SGCZ: variants seen among roughly 807,000 people sequenced by gnomAD.
SGCZ encodes zeta-sarcoglycan.
SGCZ carries 40 observed loss-of-function variants against 41.3 expected under a neutral mutation model. The ratio of observed to expected loss-of-function variants is 0.97; its 90% CI spans 0.75 to 1.26. SGCZ has a LOEUF of 1.26. Among genes scored for constraint, SGCZ ranks in the 50% most tolerant of loss-of-function variants. SGCZ has a pLI of 0.00. For missense variants in SGCZ, 552 were observed against 369.8 expected, an observed-to-expected ratio of 1.49 and a Z score of -4.04; for synonymous variants, 206 against 137.5, an observed-to-expected ratio of 1.50 and a Z score of -3.49.
intron 1 of SGCZ, among the ~76,000 whole-genome samples, chr8:14,827,925 A>G (rs1370956043): frequency 2.0e-5 from 3 of 152,182 alleles, no homozygotes; most frequent in Non-Finnish European, 4.4e-5. Flanking sequence ...TCTTCAAATC[A>G]TTCATGGAAA....
At chr8:15,000,765 C>G (rs1369615945) in intron 1 of SGCZ, among the ~76,000 whole-genome samples, 3 of 152,176 alleles carry the variant, frequency 2.0e-5, no homozygotes, top group Non-Finnish European at 4.4e-5. Context: ...AAATCAGACA[C>G]CGCCTTCTCC....
intron 2 of SGCZ, among the ~76,000 whole-genome samples, chr8:14,348,074 T>A (rs572836241): frequency 6.6e-6 from 1 of 152,044 alleles, no homozygotes; most frequent in East Asian, 1.9e-4. Flanking sequence ...GAGACCCAGC[T>A]GCAGACTTCT....
chr8:14,255,042 T>G (rs1420446963), intron 3 of SGCZ, among the ~76,000 whole-genome samples: 1 of 152,114 alleles, frequency 6.6e-6, no homozygotes, highest in African/African-American at 2.4e-5. Flanking sequence ...GGCATGGAGG[T>G]GGGTGGATGT....
In SGCZ at chr8:15,220,819, A is replaced by C. The variant is rs547075843; in HGVS notation, c.39+16766T>G. ...AAAATGTGGCACATATACACCACGGAATACTATGCAGCCATAAAAAAGGAT... is the reference window on the plus strand; with the variant it reads ...AAAATGTGGCACATATACACCACGGCATACTATGCAGCCATAAAAAAGGAT... On this transcript the variant is annotated intron_variant, in intron 1 of 7. Transcript: ENST00000382080. Among the ~76,000 whole-genome samples, 3 of 152,314 alleles carry C rather than the reference A, an allele frequency of 2.0e-5. No individual in the cohort carries two copies. In the South Asian group the frequency reaches 6.2e-4, roughly 32 times the overall value.
chr8:14,625,873 C>T (rs1463022340), intron 1 of SGCZ, among the ~76,000 whole-genome samples: 1 of 152,122 alleles, frequency 6.6e-6, no homozygotes, highest in Admixed American at 6.6e-5. Context: ...TTACCATCAC[C>T]TTAAAAGGTC....
At chr8:14,957,344 T>C (rs1470838011) in intron 1 of SGCZ, among the ~76,000 whole-genome samples, 1 of 152,082 alleles carries the variant, frequency 6.6e-6, no homozygotes, top group Non-Finnish European at 1.5e-5. Context: ...TAAGTATATG[T>C]GAAATAGCTT....
intron 2 of SGCZ, among the ~76,000 whole-genome samples, chr8:14,377,068 G>T (rs1804158961): frequency 6.6e-6 from 1 of 152,208 alleles, no homozygotes; most frequent in Admixed American, 6.5e-5. Flanking sequence ...GGTGACTCTT[G>T]ATGGGCCCCT....
intron 1 of SGCZ, among the ~76,000 whole-genome samples, chr8:14,871,843 T>C (rs181358131): frequency 4.2e-4 from 64 of 151,032 alleles, no homozygotes; most frequent in African/African-American, 1.5e-3. Context: ...TATATATGTA[T>C]GTATATATAT....
chr8:14,489,225 G>C (rs190615544), intron 2 of SGCZ, among the ~76,000 whole-genome samples: 2 of 152,064 alleles, frequency 1.3e-5, no homozygotes, highest in African/African-American at 4.8e-5. Context: ...TCAAAAATTA[G>C]AACGGGAACA....
chr8:14,309,424 G>A (rs915709916), intron 3 of SGCZ: 18 of 1,606,478 alleles, frequency 1.1e-5, no homozygotes, highest in Middle Eastern at 2.3e-4. Context: ...AGACACTTCT[G>A]TGCCTTATTG....
At chr8:14,114,328 C>T (rs537438503) in intron 5 of SGCZ, among the ~76,000 whole-genome samples, 8 of 152,022 alleles carry the variant, frequency 5.3e-5, no homozygotes, top group Admixed American at 2.6e-4. Flanking sequence ...CAACATCCTG[C>T]GATGATTATC....
chr8:14,682,458 A>G (rs1166239378), intron 1 of SGCZ, among the ~76,000 whole-genome samples: 1 of 147,944 alleles, frequency 6.8e-6, no homozygotes, highest in Non-Finnish European at 1.5e-5. Flanking sequence ...TTTTTGAGAC[A>G]GAGTCTTGCT....
intron 1 of SGCZ, among the ~76,000 whole-genome samples, chr8:14,863,238 G>A (rs1002858390): frequency 1.3e-5 from 2 of 152,154 alleles, no homozygotes; most frequent in Non-Finnish European, 2.9e-5. Flanking sequence ...GCTCTGCCCT[G>A]AGGATATGAG....
chr8:14,204,172 A>G (rs2117077942), intron 4 of SGCZ, among the ~76,000 whole-genome samples: 1 of 152,170 alleles, frequency 6.6e-6, no homozygotes, highest in South Asian at 2.1e-4. Flanking sequence ...GTGGTTTGGG[A>G]AAATGGGGCA....
At chr8:14,318,628 A>G (rs1458256186) in intron 3 of SGCZ, among the ~76,000 whole-genome samples, 1 of 151,954 alleles carries the variant, frequency 6.6e-6, no homozygotes, top group African/African-American at 2.4e-5. Flanking sequence ...CAGGAGAGAA[A>G]GTGCAGCTAA....
intron 5 of SGCZ, among the ~76,000 whole-genome samples, chr8:14,139,694 T>C (rs997389671): frequency 6.6e-6 from 1 of 152,076 alleles, no homozygotes; most frequent in African/African-American, 2.4e-5. Flanking sequence ...GAGGCAATAA[T>C]AGCCTACCAA....
At chr8:15,134,150 G>A (rs907925863) in intron 1 of SGCZ, among the ~76,000 whole-genome samples, 3 of 151,962 alleles carry the variant, frequency 2.0e-5, no homozygotes, top group Non-Finnish European at 2.9e-5. Context: ...TAAAAATCAA[G>A]CTTTATCTTT....
At chr8:14,468,171 A>G (rs1801104987) in intron 2 of SGCZ, among the ~76,000 whole-genome samples, 1 of 152,052 alleles carries the variant, frequency 6.6e-6, no homozygotes, top group Admixed American at 6.6e-5. Flanking sequence ...ACATTACTTT[A>G]CATAAGTTGT....
At chr8:14,090,734 A>G in intron 7 of SGCZ, 97 bp from the exon 8 acceptor site, 1 of 1,046,990 alleles carries the variant, frequency 9.6e-7, no homozygotes, top group Non-Finnish European at 1.4e-6. Flanking sequence ...GGAAGTCGAC[A>G]CAACAAACAA....
Sources: gnomAD v4.1 joint callset for allele counts (sites outside exome capture counted in the v4.1 genomes callset) on GRCh38, gnomAD v4.1.1 for gene constraint, MANE v1.5 for transcripts, NCBI Gene and HGNC (gene_info 2026-07-23, HGNC 2026-07-21) for gene names.